Variants in CNTLN observed in about 807,000 individuals in gnomAD.
The protein encoded by CNTLN is centlein, also known as centlein, centrosomal protein.
In CNTLN, 212 loss-of-function variants were observed where a neutral mutation model predicts 180.0. The ratio of observed to expected loss-of-function variants is 1.18; its 90% CI spans 1.05 to 1.32. The LOEUF (loss-of-function observed/expected upper bound fraction) is 1.32. Ranked by LOEUF, CNTLN falls within the 40% of genes most tolerant of loss-of-function variation. CNTLN has a pLI of 0.00. For missense variants in CNTLN, 2,095 were observed against 1,610.9 expected, an observed-to-expected ratio of 1.30 and a Z score of -5.14; for synonymous variants, 722 against 563.1, an observed-to-expected ratio of 1.28 and a Z score of -3.99.
chr9:17,151,842 G>A (rs930309069), intron 2 of CNTLN, among the ~76,000 whole-genome samples: 2 of 152,138 alleles, frequency 1.3e-5, no homozygotes, highest in Non-Finnish European at 2.9e-5. Context: ...TTCAGAACTT[G>A]TTATTGGTCT....
intron 2 of CNTLN, among the ~76,000 whole-genome samples, chr9:17,183,868 A>G (rs1016417375): frequency 2.0e-5 from 3 of 152,048 alleles, no homozygotes; most frequent in African/African-American, 7.2e-5. Flanking sequence ...TATTATTTAT[A>G]TTTTCCTTTA....
downstream of CNTLN, among the ~76,000 whole-genome samples, chr9:17,506,295 T>G (rs1833931586): frequency 6.6e-6 from 1 of 152,006 alleles, no homozygotes; most frequent in Admixed American, 6.6e-5. Flanking sequence ...AATTAAAAAC[T>G]TTCACCCTGG....
At chr9:17,180,629 C>G (rs148396975) in intron 2 of CNTLN, among the ~76,000 whole-genome samples, 7 of 151,782 alleles carry the variant, frequency 4.6e-5, no homozygotes, top group Admixed American at 3.9e-4. Context: ...TGCCTTTACT[C>G]TTTTCCTTCT....
intron 1 of CNTLN, among the ~76,000 whole-genome samples, chr9:17,140,324 A>C (rs1817999316): frequency 6.6e-6 from 1 of 152,202 alleles, no homozygotes; most frequent in Non-Finnish European, 1.5e-5. Context: ...CACCAGACTT[A>C]CTGTACAGCA....
intron 24 of CNTLN, 21 bp downstream of exon 24, chr9:17,484,501 A>G (rs1480618115): frequency 1.3e-6 from 2 of 1,555,852 alleles, no homozygotes; most frequent in Admixed American, 4.2e-5. Flanking sequence ...TTAAATATTT[A>G]TTATTAAAGG....
At chr9:17,235,816 TG>T in intron 4 of CNTLN, 24 bp downstream of exon 4, 1 of 1,574,176 alleles carries the variant, frequency 6.4e-7, no homozygotes, top group Non-Finnish European at 8.6e-7. Flanking sequence ...TACATAGTTT[TG>T]TGGGACTGTT....
chr9:17,462,942 G>T lies in CNTLN; in HGVS notation c.3333G>T (p.Gln1111His). The change falls in exon 20 of 26, where the codon CAG becomes CAT. Residue 1111 changes from glutamine to histidine, a missense_variant. By Grantham distance (24) the Gln-to-His change is conservative. Transcript: ENST00000380647. ...LKNATNELTK[Q>H]SSNVKTLKFE... is the part of the protein sequence containing the mutation. ...ATGCTACTAATGAACTCACTAAACA[G>T]TCATCAAATGTGAAGACTTTGAAAT... is the stretch of plus-strand genomic sequence containing the variant. 6.3e-7 allele frequency: 1 copy of T among 1,575,880 alleles called. No individual in the cohort carries two copies. Among genetic ancestry groups the T allele is most frequent in the Non-Finnish European group, 8.6e-7 (1 of 1,164,032 alleles).
At chr9:17,407,053 C>T (rs1296611519) in intron 15 of CNTLN, among the ~76,000 whole-genome samples, 1 of 152,110 alleles carries the variant, frequency 6.6e-6, no homozygotes, top group Non-Finnish European at 1.5e-5. Flanking sequence ...TATAGTAGAA[C>T]ACATAAGCAA....
In CNTLN at chr9:17,269,004, C is replaced by T. The variant is rs182796149; in HGVS notation, c.850-4729C>T. ...GTGCTTCCCGAGTTAGGCCATGCCTCGCCCTGCTCTGGCTAGCGCACGGTG... is the reference window on the plus strand; with the variant it reads ...GTGCTTCCCGAGTTAGGCCATGCCTTGCCCTGCTCTGGCTAGCGCACGGTG... On this transcript the variant is annotated intron_variant, in intron 5 of 25. Transcript: ENST00000380647. Among the ~76,000 whole-genome samples the T allele has an allele frequency of 2.6e-5, 4 of 152,234 alleles. No homozygotes were observed. In the East Asian group the frequency reaches 5.8e-4, roughly 22 times the overall value.
chr9:17,471,088 A>G (rs1015899101), intron 23 of CNTLN, among the ~76,000 whole-genome samples: 1 of 152,064 alleles, frequency 6.6e-6, no homozygotes, highest in African/African-American at 2.4e-5. Flanking sequence ...TTCATAATAA[A>G]AATACATTTC....
Position 17,325,374 on chromosome 9 carries a change from ATGTATGTGTGTG to A in CNTLN, c.1342-5254_1342-5243del, listed in dbSNP as rs1203164188. Among the ~76,000 whole-genome samples the A allele has an allele frequency of 1.3e-3, 144 of 110,648 alleles. 2 individuals are homozygous for A. Among genetic ancestry groups the A allele is most frequent in the African/African-American group, 3.7e-3 (120 of 32,690 alleles). 72.6% of individuals were successfully genotyped at this position (110,648 alleles called of 152,430 possible). On this transcript the variant is annotated intron_variant, in intron 8 of 25. Coordinates refer to ENST00000380647, the MANE Select transcript of CNTLN (RefSeq NM_017738.4). The stretch of plus-strand genomic sequence containing the variant: ...AGAAGAAAAGTGTGTGTGCATGTGT[ATGTATGTGTGTG>A]TGTGTGTGTGTGTGTGTGTGTGTGT...
intron 13 of CNTLN, among the ~76,000 whole-genome samples, chr9:17,380,024 C>G (rs1168764644): frequency 6.6e-6 from 1 of 152,164 alleles, no homozygotes; most frequent in Non-Finnish European, 1.5e-5. Flanking sequence ...GTATGAATAG[C>G]TGCTCGAAGA....
chr9:17,358,725 T>C lies in CNTLN; in HGVS notation c.1887-7892T>C, dbSNP rs116278940. Among the ~76,000 whole-genome samples the C allele has an allele frequency of 2.4e-3, 361 of 152,234 alleles. 3 individuals carry two copies. Among genetic ancestry groups the C allele is most frequent in the African/African-American group, 8.2e-3 (341 of 41,552 alleles). On this transcript the variant is annotated intron_variant, in intron 12 of 25. Coordinates refer to ENST00000380647, the MANE Select transcript of CNTLN (RefSeq NM_017738.4). ...TAATTCTACTTCTAGTTAGAAACACTAAAAGGAATCTTGTATATGAGCACA... is the reference window on the plus strand; with the variant it reads ...TAATTCTACTTCTAGTTAGAAACACCAAAAGGAATCTTGTATATGAGCACA...
Position 17,459,449 on chromosome 9 carries a change from A to C in CNTLN, c.3306+1734A>C, listed in dbSNP as rs369073238. 2.6e-5 allele frequency among the ~76,000 whole-genome samples: 4 copies of C among 151,996 alleles called. No homozygotes were observed. The East Asian group carries it at 7.7e-4, about 29-fold the overall frequency. On this transcript the variant is annotated intron_variant, in intron 19 of 25. Transcript: ENST00000380647. ...ACACTGACCAAACTGTATAGGGACAAAAAGGATAAGTTTTTACTTTTGTCT... is the reference window on the plus strand; with the variant it reads ...ACACTGACCAAACTGTATAGGGACACAAAGGATAAGTTTTTACTTTTGTCT...
At chr9:17,504,571 G>A (rs1444368863), downstream of CNTLN, among the ~76,000 whole-genome samples, 1 of 152,144 alleles carries the variant, frequency 6.6e-6, no homozygotes, top group African/African-American at 2.4e-5. Flanking sequence ...ATTAAGTCAA[G>A]GATCTTGAAT....
chr9:17,424,580 G>C (rs77740355), intron 18 of CNTLN, among the ~76,000 whole-genome samples: 12,484 of 152,222 alleles, frequency 0.082, 1,181 homozygotes, highest in East Asian at 0.25. Flanking sequence ...ATGTTTTATA[G>C]TAGGCACTAA....
chr9:17,497,684 A>G lies in CNTLN; in HGVS notation c.4120-4867A>G, dbSNP rs558089112. On this transcript the variant is annotated intron_variant, in intron 25 of 25. Transcript: ENST00000380647. ...TCTGTCCATTTTTAGCAGAACTCCA[A>G]GAATTCTTTTTTTCTATTATGATAT... Among the ~76,000 whole-genome samples, 12 of 152,304 alleles carry G rather than the reference A, an allele frequency of 7.9e-5. No homozygotes were observed. In the East Asian group the frequency reaches 2.3e-3, roughly 29 times the overall value.
intron 25 of CNTLN, among the ~76,000 whole-genome samples, chr9:17,498,680 A>T (rs1833584936): frequency 6.6e-6 from 1 of 152,188 alleles, no homozygotes; most frequent in Admixed American, 6.5e-5. Flanking sequence ...CTCTGTGCTG[A>T]TATGCCCAGG....
Position 17,332,624 on chromosome 9 carries a change from C to A in CNTLN, c.1538C>A (p.Ser513Ter). 3 of 1,607,912 alleles carry A rather than the reference C, an allele frequency of 1.9e-6. No individual in the cohort carries two copies. In the South Asian group the frequency reaches 3.3e-5, roughly 18 times the overall value. Residue 513 changes from serine (S) to a stop codon, truncating the protein, a stop_gained, in exon 10 of 26, where the codon TCA becomes TAA. Transcript: ENST00000380647. LOFTEE classifies it high-confidence loss of function. ...GKHKEPPVKRSRSLSPKSSFT... is the reference protein window; with the variant it reads ...GKHKEPPVKR ...CTCGAGGAACCACCTGTGAAACGTT[C>A]AAGGTCTTTGTCCCCAAAGAGCTCT...
Sources: allele counts gnomAD v4.1 joint callset (sites outside exome capture counted in the v4.1 genomes callset), GRCh38; gene constraint gnomAD v4.1.1; transcripts MANE v1.5; gene names NCBI Gene and HGNC (gene_info 2026-07-23, HGNC 2026-07-21).